Variants in TBPL2 observed in about 807,000 individuals in gnomAD.
TBPL2 encodes the protein TATA box-binding protein-like 2.
Under a neutral mutation model 38.2 loss-of-function variants are expected in TBPL2, and 40 were observed. The ratio of observed to expected loss-of-function variants is 1.05; its 90% CI spans 0.81 to 1.36. The LOEUF (loss-of-function observed/expected upper bound fraction) is 1.36, where lower values mean the gene tolerates loss of function less well. Ranked by LOEUF, TBPL2 falls within the 40% of genes most tolerant of loss-of-function variation. TBPL2 has a pLI of 0.00. For synonymous variants in TBPL2, 169 were observed against 171.7 expected, an observed-to-expected ratio of 0.98 and a Z score of 0.12; for missense variants, 461 against 456.7, an observed-to-expected ratio of 1.01 and a Z score of -0.09.
chr14:55,434,577 A>G (rs940199942), intron 3 of TBPL2, among the ~76,000 whole-genome samples: 1 of 150,994 alleles, frequency 6.6e-6, no homozygotes, highest in African/African-American at 2.4e-5. Context: ...CCAAAATGAG[A>G]GGTGTGCTGA....
chr14:55,426,874 C>G (rs1885833312), intron 5 of TBPL2, among the ~76,000 whole-genome samples: 1 of 152,208 alleles, frequency 6.6e-6, no homozygotes, highest in African/African-American at 2.4e-5. Context: ...GGCACCTATT[C>G]TAGACTTAGA....
intron 6 of TBPL2, among the ~76,000 whole-genome samples, chr14:55,417,005 T>C (rs961691454): frequency 6.6e-6 from 1 of 152,190 alleles, no homozygotes; most frequent in Non-Finnish European, 1.5e-5. Context: ...CTAAGAGCAT[T>C]GCATTCAAGC....
chr14:55,414,740 AAT>A (rs1885644121), intron 6 of TBPL2, among the ~76,000 whole-genome samples: 2 of 152,334 alleles, frequency 1.3e-5, no homozygotes, highest in South Asian at 4.1e-4. Flanking sequence ...ATGTGCCATG[AAT>A]ATGGCCTCAG....
chr14:55,430,587 G>T (rs1189054345), intron 4 of TBPL2, among the ~76,000 whole-genome samples: 1 of 151,874 alleles, frequency 6.6e-6, no homozygotes, highest in Non-Finnish European at 1.5e-5. Context: ...ATAGAGACAG[G>T]GTCTTGCTGT....
At chr14:55,438,490 T>A (rs1886051521) in intron 1 of TBPL2, among the ~76,000 whole-genome samples, 2 of 152,156 alleles carry the variant, frequency 1.3e-5, no homozygotes, top group Admixed American at 1.3e-4. Flanking sequence ...GTCTCACCTG[T>A]CCCAGATGTA....
In TBPL2 at chr14:55,435,781, G is replaced by T; in HGVS notation, c.696+66C>A. 3.4e-6 allele frequency: 4 copies of T among 1,190,160 alleles called. No individual in the cohort carries two copies. The South Asian group carries it at 4.3e-5, about 13-fold the overall frequency. The allele number at this position is 1,190,160 out of a possible 1,614,324, so 73.7% of individuals were successfully genotyped here. A position where few individuals can be genotyped will look rare whatever the true frequency, so the allele number is the denominator to read the frequency against. ...AAACAGAGGAATTAGTCAATATCAT[G>T]ATCATATTAAGAAAAGTAAATCTAA... On this transcript the variant is annotated intron_variant, in intron 3 of 6. Transcript: ENST00000247219.
chr14:55,438,808 T>C (rs555422068), intron 1 of TBPL2: 1 of 152,310 alleles, frequency 6.6e-6, no homozygotes, highest in Admixed American at 6.5e-5. Context: ...TCTCAGAACC[T>C]TTCCTGTCTG....
chr14:55,428,903 A>T, exon 5 of TBPL2: 1 of 1,614,190 alleles, frequency 6.2e-7, no homozygotes, highest in Non-Finnish European at 8.5e-7. Context: ...AAAATCGAGG[A>T]ATCTGGCAGG....
chr14:55,433,160 G>A (rs1885959101), intron 4 of TBPL2, among the ~76,000 whole-genome samples: 1 of 152,124 alleles, frequency 6.6e-6, no homozygotes, highest in African/African-American at 2.4e-5. Flanking sequence ...ACAGGGTCTT[G>A]CTCTGTAACT....
At chr14:55,416,862 A>G (rs903226171) in intron 6 of TBPL2, among the ~76,000 whole-genome samples, 2 of 152,248 alleles carry the variant, frequency 1.3e-5, no homozygotes, top group African/African-American at 4.8e-5. Flanking sequence ...ATTGAGGAAC[A>G]GTGTCCAGGT....
chr14:55,417,075 A>G (rs1594788683), intron 6 of TBPL2, among the ~76,000 whole-genome samples: 3 of 152,370 alleles, frequency 2.0e-5, no homozygotes, highest in South Asian at 2.1e-4. Context: ...GGGAATGGAC[A>G]TTTGAGGGAT....
At chr14:55,436,435 TAAAAC>T (rs1886013342) in intron 2 of TBPL2, 121 bp downstream of exon 2, 2 of 912,304 alleles carry the variant, frequency 2.2e-6, no homozygotes, top group Non-Finnish European at 1.6e-6. Context: ...TTAGAACTGA[TAAAAC>T]AAAGAATTAT....
chr14:55,437,934 A>AT (rs565033793), intron 1 of TBPL2, among the ~76,000 whole-genome samples: 403 of 152,330 alleles, frequency 2.6e-3, no homozygotes, highest in Non-Finnish European at 4.6e-3. Flanking sequence ...AAATCAATTT[A>AT]TTTTCAGTCC....
intron 1 of TBPL2, among the ~76,000 whole-genome samples, chr14:55,438,361 C>G (rs1164339598): frequency 1.3e-5 from 2 of 152,030 alleles, no homozygotes; most frequent in Middle Eastern, 3.2e-3. Context: ...GATTTTTGAC[C>G]TCTATTTCAT....
intron 6 of TBPL2, among the ~76,000 whole-genome samples, chr14:55,415,382 T>A (rs1159690685): frequency 6.6e-6 from 1 of 152,228 alleles, no homozygotes; most frequent in Non-Finnish European, 1.5e-5. Flanking sequence ...ATGGCTCAGC[T>A]ACTGTGGAAA....
rs567342581 is a variant in TBPL2 at position 55,428,119 on chromosome 14, CTTTTTTTTTTTTTT to C, written c.956+674_956+687del. The stretch of plus-strand genomic sequence containing the variant: ...GCCTAGTCCATTTCACATGCCTTAT[CTTTTTTTTTTTTTT>C]TTTTTTTTTTTTTTGAGACGGAGTC... On this transcript the variant is annotated intron_variant, in intron 5 of 6. Transcript: ENST00000247219. Among the ~76,000 whole-genome samples, 54 of 43,360 alleles carry C rather than the reference CTTTTTTTTTTTTTT, an allele frequency of 1.2e-3. 1 individual carries two copies. Among genetic ancestry groups the C allele is most frequent in the African/African-American group, 6.1e-3 (54 of 8,804 alleles). 28.4% of individuals were successfully genotyped at this position (43,360 alleles called of 152,430 possible).
intron 1 of TBPL2, among the ~76,000 whole-genome samples, chr14:55,439,622 C>CCCCCGCCCCG (rs1886076207): frequency 7.2e-6 from 1 of 138,100 alleles, no homozygotes; most frequent in Non-Finnish European, 1.6e-5. Context: ...AAACCCCCCC[C>CCCCCGCCCCG]CGTCTCTACT....
intron 5 of TBPL2, among the ~76,000 whole-genome samples, chr14:55,426,209 A>G (rs939494059): frequency 1.3e-5 from 2 of 151,870 alleles, no homozygotes; most frequent in Non-Finnish European, 2.9e-5. Flanking sequence ...TGGAGGTTGC[A>G]GTGAGCTGAA....
chr14:55,421,543 A>AG (rs1471346292), intron 6 of TBPL2, among the ~76,000 whole-genome samples: 2 of 152,216 alleles, frequency 1.3e-5, no homozygotes, highest in African/African-American at 4.8e-5. Flanking sequence ...GGCTCACTGC[A>AG]GCCTCTGCCT....
Sources: gnomAD v4.1 joint callset for allele counts (sites outside exome capture counted in the v4.1 genomes callset) on GRCh38, gnomAD v4.1.1 for gene constraint, MANE v1.5 for transcripts, NCBI Gene and HGNC (gene_info 2026-07-23, HGNC 2026-07-21) for gene names.